Variants in PDE4D observed in about 807,000 individuals in gnomAD.
The protein encoded by PDE4D is phosphodiesterase 4D.
PDE4D carries 24 observed loss-of-function variants against 87.4 expected under a neutral mutation model. The observed-to-expected ratio is 0.27, with a 90% CI of 0.20 to 0.39. PDE4D has a LOEUF of 0.39. Ranked by LOEUF, PDE4D falls within the 10% of genes least tolerant of loss-of-function variation. PDE4D has a pLI of 1.00. For missense variants in PDE4D, 714 were observed against 1,041.0 expected (o/e 0.69, Z 4.32); for synonymous variants, 384 against 383.2 (o/e 1.00, Z -0.02).
chr5:59,505,136 A>T (rs1332049254), intron 1 of PDE4D, among the ~76,000 whole-genome samples: 1 of 152,154 alleles, frequency 6.6e-6, no homozygotes, highest in Non-Finnish European at 1.5e-5. Flanking sequence ...GGAGGGAAGT[A>T]AAAAGCTAAA....
At chr5:59,239,388 G>C (rs1046575196) in intron 1 of PDE4D, among the ~76,000 whole-genome samples, 1 of 152,088 alleles carries the variant, frequency 6.6e-6, no homozygotes, top group Non-Finnish European at 1.5e-5. Context: ...TGATATACAA[G>C]AACTCCCAAA....
At chr5:59,273,349 A>G (rs539067958) in intron 1 of PDE4D, among the ~76,000 whole-genome samples, 1 of 150,350 alleles carries the variant, frequency 6.7e-6, no homozygotes, top group African/African-American at 2.5e-5. Flanking sequence ...ATGTATGTGT[A>G]TACATATATA....
At chr5:60,031,169 A>C (rs1012082537) in intron 2 of PDE4D, among the ~76,000 whole-genome samples, 2 of 152,222 alleles carry the variant, frequency 1.3e-5, no homozygotes, top group African/African-American at 4.8e-5. Context: ...CATCTTATGA[A>C]ATGTATTTGG....
intron 1 of PDE4D, among the ~76,000 whole-genome samples, chr5:60,249,960 CA>C (rs1731520083): frequency 6.6e-6 from 1 of 151,864 alleles, no homozygotes; most frequent in Admixed American, 6.6e-5. Flanking sequence ...AAATGACTAC[CA>C]AAATTTCTAC....
intron 2 of PDE4D, among the ~76,000 whole-genome samples, chr5:59,210,543 C>T (rs186290125): frequency 3.3e-5 from 5 of 152,204 alleles, no homozygotes; most frequent in African/African-American, 1.2e-4. Flanking sequence ...CAATGGGGCA[C>T]CCCGAAGGCC....
At chr5:60,429,430 C>T (rs1378851245) in intron 1 of PDE4D, among the ~76,000 whole-genome samples, 1 of 152,110 alleles carries the variant, frequency 6.6e-6, no homozygotes, top group South Asian at 2.1e-4. Flanking sequence ...GTTTGATTTT[C>T]TCTCTTCCTA....
chr5:59,812,249 C>G (rs983632585), intron 1 of PDE4D, among the ~76,000 whole-genome samples: 3 of 152,136 alleles, frequency 2.0e-5, no homozygotes, highest in Non-Finnish European at 4.4e-5. Flanking sequence ...TATCTACTAC[C>G]GCTTTCAAGG....
chr5:59,543,832 C>T (rs1561169234), intron 1 of PDE4D, among the ~76,000 whole-genome samples: 1 of 152,114 alleles, frequency 6.6e-6, no homozygotes, highest in South Asian at 2.1e-4. Flanking sequence ...ATGGAGATTT[C>T]TTAGAGAAAA....
intron 1 of PDE4D, among the ~76,000 whole-genome samples, chr5:60,480,735 T>A (rs1028008230): frequency 7.9e-5 from 12 of 152,178 alleles, no homozygotes; most frequent in African/African-American, 2.7e-4. Flanking sequence ...AGACTAGAAA[T>A]ATAATACATA....
chr5:60,197,118 T>TAGATAGATAGAC (rs1216969315), intron 1 of PDE4D, among the ~76,000 whole-genome samples: 282 of 150,254 alleles, frequency 1.9e-3, no homozygotes, highest in African/African-American at 6.6e-3. Context: ...GATAGATAGA[T>TAGATAGATAGAC]AGATAGATTA....
intron 1 of PDE4D, among the ~76,000 whole-genome samples, chr5:59,411,038 T>C (rs1792586173): frequency 6.6e-6 from 1 of 152,166 alleles, no homozygotes; most frequent in Non-Finnish European, 1.5e-5. Context: ...ATTTCCATTC[T>C]AATGAGGATA....
intron 1 of PDE4D, among the ~76,000 whole-genome samples, chr5:59,570,405 G>A (rs768294632): frequency 3.9e-5 from 6 of 152,028 alleles, no homozygotes; most frequent in East Asian, 1.9e-4. Context: ...GGACACATTC[G>A]GGTGCCAAAG....
intron 5 of PDE4D, among the ~76,000 whole-genome samples, chr5:59,126,091 A>G (rs1282522197): frequency 3.7e-5 from 3 of 80,812 alleles, no homozygotes; most frequent in South Asian, 9.3e-4. Flanking sequence ...TTTAAGTACA[A>G]TTGTAAAAAA....
At chr5:59,789,010 G>A (rs962003442) in intron 1 of PDE4D, among the ~76,000 whole-genome samples, 3 of 152,168 alleles carry the variant, frequency 2.0e-5, no homozygotes, top group African/African-American at 7.2e-5. Context: ...GTACAATACT[G>A]TTTCACAGCA....
chr5:59,959,932 T>C (rs1399422067), intron 3 of PDE4D, among the ~76,000 whole-genome samples: 1 of 152,020 alleles, frequency 6.6e-6, no homozygotes, highest in Non-Finnish European at 1.5e-5. Flanking sequence ...GGAGAAAATA[T>C]TTGCAAACTA....
intron 1 of PDE4D, among the ~76,000 whole-genome samples, chr5:60,435,077 A>G (rs1415651182): frequency 6.6e-6 from 1 of 152,144 alleles, no homozygotes; most frequent in Non-Finnish European, 1.5e-5. Context: ...GTAAACTTCT[A>G]TAACAGAATT....
upstream of PDE4D, among the ~76,000 whole-genome samples, chr5:59,894,687 T>G (rs1311996443): frequency 6.6e-6 from 1 of 152,240 alleles, no homozygotes; most frequent in Admixed American, 6.5e-5. Flanking sequence ...TGCCTGCAAT[T>G]TGCCTTTCTG....
At chr5:59,816,561 A>T (rs1581236698) in intron 1 of PDE4D, among the ~76,000 whole-genome samples, 1 of 152,216 alleles carries the variant, frequency 6.6e-6, no homozygotes, top group East Asian at 1.9e-4. Flanking sequence ...TATGCCTATT[A>T]TATCTAATGA....
At chr5:60,214,623 G>A (rs1282432711) in intron 1 of PDE4D, among the ~76,000 whole-genome samples, 2 of 152,218 alleles carry the variant, frequency 1.3e-5, no homozygotes, top group East Asian at 3.9e-4. Context: ...GTATGAAATA[G>A]TGATGTTAGC....
Sources: allele counts gnomAD v4.1 joint callset (sites outside exome capture counted in the v4.1 genomes callset), GRCh38; gene constraint gnomAD v4.1.1; transcripts MANE v1.5; gene names NCBI Gene and HGNC (gene_info 2026-07-23, HGNC 2026-07-21).